The following ST7L variants were observed in gnomAD, a reference collection of about 807,000 sequenced individuals.
ST7L encodes suppressor of tumorigenicity 7 protein-like.
ST7L carries 57 observed loss-of-function variants against 72.5 expected under a neutral mutation model. The ratio of observed to expected loss-of-function variants is 0.79; its 90% confidence interval spans 0.64 to 0.98. The LOEUF (loss-of-function observed/expected upper bound fraction) is 0.98. Among genes scored for constraint, ST7L ranks in the 50% least tolerant of loss-of-function variants. ST7L has a pLI of 0.00. For missense variants in ST7L, 576 were observed against 672.2 expected, an observed-to-expected ratio of 0.86 and a Z score of 1.58; for synonymous variants, 221 against 240.9, an observed-to-expected ratio of 0.92 and a Z score of 0.77.
intron 11 of ST7L, among the ~76,000 whole-genome samples, chr1:112,563,997 T>C (rs969293516): frequency 1.3e-5 from 2 of 152,176 alleles, no homozygotes; most frequent in African/African-American, 4.8e-5. Flanking sequence ...TGATCAGTCA[T>C]GCACACAAAG....
In ST7L at chr1:112,619,090, A is replaced by G; in HGVS notation, c.24T>C (p.Gly8=). The change falls in exon 1 of 15, where the codon GGT becomes GGC. Residue 8 remains glycine, a synonymous_variant. Coordinates refer to ENST00000358039, the MANE Select transcript of ST7L (RefSeq NM_017744.5). ...GAGACGCTCCAACAGCTGCGGCTTC[A>G]CCCACGCCGCCACGGTCCGCCATCT... MADRGGV[G]EAAAVGASPA... The G allele has an allele frequency of 6.2e-7, 1 of 1,612,944 alleles. No individual in the cohort carries two copies. Among genetic ancestry groups the G allele is most frequent in the Non-Finnish European group, 8.5e-7 (1 of 1,179,822 alleles).
intron 14 of ST7L, among the ~76,000 whole-genome samples, chr1:112,538,650 T>C (rs899592655): frequency 6.6e-6 from 1 of 152,204 alleles, no homozygotes; most frequent in Non-Finnish European, 1.5e-5. Flanking sequence ...CCTGGCCTAC[T>C]AATAGTGTTT....
intron 1 of ST7L, chr1:112,618,703 A>G: frequency 8.9e-7 from 1 of 1,117,976 alleles, no homozygotes; most frequent in Non-Finnish European, 1.2e-6. Flanking sequence ...GCGGACCTTA[A>G]GAGTTCTACG....
chr1:112,587,043 T>C (rs1305870158), intron 6 of ST7L, among the ~76,000 whole-genome samples: 1 of 152,204 alleles, frequency 6.6e-6, no homozygotes, highest in Non-Finnish European at 1.5e-5. Flanking sequence ...CTGATTTTTC[T>C]TTTGCTGCTT....
chr1:112,548,794 G>A (rs1475462413), intron 13 of ST7L, among the ~76,000 whole-genome samples: 1 of 152,200 alleles, frequency 6.6e-6, no homozygotes, highest in South Asian at 2.1e-4. Flanking sequence ...TAAGGCAGCT[G>A]AGACACAAAG....
intron 9 of ST7L, 84 bp from the exon 10 acceptor site, chr1:112,578,501 C>G (rs1376909687): frequency 8.5e-7 from 1 of 1,171,640 alleles, no homozygotes; most frequent in African/African-American, 1.5e-5. Flanking sequence ...CACGGCCAGG[C>G]ATGGTGGCTC....
chr1:112,549,772 C>CCTCTT (rs1385459321), intron 13 of ST7L, among the ~76,000 whole-genome samples: 2 of 152,096 alleles, frequency 1.3e-5, no homozygotes, highest in Admixed American at 6.6e-5. Flanking sequence ...ATAACGAGTG[C>CCTCTT]CTCTTATTGC....
Position 112,526,088 on chromosome 1 carries a change from T to C in ST7L, c.1653A>G (p.Gln551=), listed in dbSNP as rs559676702. ...CCTCAAAGCCTGAGGATGCCCAGGG[T>C]TGGGGGCACCAGAGTCCCAGCACCT... The part of the protein sequence containing the change: ...AKAVLGLWCP[Q]PWASSGFEEN... The change falls in exon 15 of 15, where the codon CAA becomes CAG. Residue 551 remains glutamine, a synonymous_variant. Coordinates refer to ENST00000358039, the MANE Select transcript of ST7L (RefSeq NM_017744.5). 17 of 1,614,004 alleles carry C rather than the reference T, an allele frequency of 1.1e-5. No individual in the cohort carries two copies. The highest frequency in any genetic ancestry group is 1.3e-5 in the African/African-American group (1 of 74,890).
intron 13 of ST7L, among the ~76,000 whole-genome samples, 176 bp downstream of exon 13, chr1:112,550,425 C>G (rs1162986105): frequency 6.6e-6 from 1 of 152,016 alleles, no homozygotes; most frequent in African/African-American, 2.4e-5. Context: ...CAGAGTTTTG[C>G]TCAATAATTA....
intron 3 of ST7L, among the ~76,000 whole-genome samples, chr1:112,601,689 T>A (rs1187737119): frequency 6.6e-6 from 1 of 152,088 alleles, no homozygotes; most frequent in East Asian, 1.9e-4. Context: ...ATGACGAACA[T>A]CTGCAGCAGA....
intron 3 of ST7L, chr1:112,607,067 T>C (rs1180866367): frequency 1.3e-5 from 2 of 152,224 alleles, no homozygotes; most frequent in African/African-American, 2.4e-5. Context: ...TAAATATTGA[T>C]GGATATAGTC....
At chr1:112,610,165 T>C (rs947291948) in intron 3 of ST7L, among the ~76,000 whole-genome samples, 8 of 152,168 alleles carry the variant, frequency 5.3e-5, no homozygotes, top group Non-Finnish European at 1.2e-4. Context: ...TTTCTGAGAA[T>C]AGTCCTTGGC....
chr1:112,518,337 G>A, the ST7L span: 1 of 152,320 alleles, frequency 6.6e-6, no homozygotes, highest in African/African-American at 2.4e-5. Flanking sequence ...TACAGGCTCA[G>A]CGTCAGGACT....
At chr1:112,574,725 CATAATTAATAA>C (rs1558004328) in intron 11 of ST7L, among the ~76,000 whole-genome samples, 1 of 151,416 alleles carries the variant, frequency 6.6e-6, no homozygotes, top group African/African-American at 2.4e-5. Context: ...AGGAAATAAA[CATAATTAATAA>C]ATAAGAATAC....
intron 13 of ST7L, among the ~76,000 whole-genome samples, chr1:112,545,703 G>T (rs577130145): frequency 3.3e-5 from 5 of 152,154 alleles, no homozygotes; most frequent in African/African-American, 1.2e-4. Context: ...TTTAGTTCTT[G>T]TCCTGTCTCT....
intron 11 of ST7L, among the ~76,000 whole-genome samples, chr1:112,569,175 A>G (rs1455786327): frequency 1.3e-5 from 2 of 152,186 alleles, no homozygotes; most frequent in Non-Finnish European, 2.9e-5. Flanking sequence ...CTCTCAAAAA[A>G]TTAAACAGAA....
chr1:112,557,740 G>C (rs1159809893), intron 11 of ST7L, among the ~76,000 whole-genome samples: 8 of 152,118 alleles, frequency 5.3e-5, no homozygotes, highest in Non-Finnish European at 1.2e-4. Context: ...AGTGGACTGG[G>C]GAGTGAGGAG....
chr1:112,540,753 A>T (rs1395821465), intron 14 of ST7L: 1 of 1,264,826 alleles, frequency 7.9e-7, no homozygotes, highest in East Asian at 5.6e-5. Context: ...GGAGGCATAT[A>T]GAGAAAAATA....
At chr1:112,592,571 A>G (rs577834179) in intron 5 of ST7L, among the ~76,000 whole-genome samples, 2 of 152,334 alleles carry the variant, frequency 1.3e-5, no homozygotes, top group South Asian at 2.1e-4. Flanking sequence ...GGTAAAGAAC[A>G]TCATTCTGCT....
Sources: gnomAD v4.1 joint callset for allele counts (sites outside exome capture counted in the v4.1 genomes callset) on GRCh38, gnomAD v4.1.1 for gene constraint, MANE v1.5 for transcripts, NCBI Gene and HGNC (gene_info 2026-07-23, HGNC 2026-07-21) for gene names.